NAXD: variants seen among roughly 807,000 people sequenced by gnomAD.
NAXD encodes NAD(P)HX dehydratase.
A neutral mutation model predicts 35.8 loss-of-function variants in NAXD; 22 were observed. The ratio of observed to expected loss-of-function variants is 0.62; its 90% CI spans 0.44 to 0.88. NAXD has a LOEUF of 0.88. Among genes scored for constraint, NAXD ranks in the 40% least tolerant of loss-of-function variants. NAXD has a pLI of 0.00. For missense variants in NAXD, 428 were observed against 437.7 expected (o/e 0.98, Z 0.20); for synonymous variants, 189 against 177.6 (o/e 1.06, Z -0.51).
chr13:110,624,303 A>G (rs762040537), intron 3 of NAXD, 24 bp downstream of exon 3: 6 of 1,497,766 alleles, frequency 4.0e-6, no homozygotes, highest in Non-Finnish European at 4.6e-6. Context: ...AAATTTCTTT[A>G]TTGGGATTTT....
chr13:110,634,609 TCTC>T lies in NAXD; in HGVS notation c.492+20_492+22del. The stretch of plus-strand genomic sequence containing the variant: ...GTCATCGACGCGGTGAGTTGACTTC[TCTC>T]CTCCTGGCTCGGACTCCCGGAAGGC... On this transcript the variant is annotated intron_variant, in intron 6 of 9. Transcript: ENST00000680254. 1.9e-6 allele frequency: 3 copies of T among 1,614,178 alleles called. No homozygotes were observed. Among genetic ancestry groups the T allele is most frequent in the South Asian group, 1.1e-5 (1 of 91,084 alleles).
At chr13:110,634,275 C>G (rs189334174) in intron 5 of NAXD, among the ~76,000 whole-genome samples, 6 of 152,254 alleles carry the variant, frequency 3.9e-5, no homozygotes, top group Admixed American at 2.6e-4. Context: ...TGATAATGAA[C>G]AGGCGTTTAC....
At chr13:110,627,699 A>T (rs1414999106) in intron 5 of NAXD, 152 bp downstream of exon 5, 2 of 631,076 alleles carry the variant, frequency 3.2e-6, no homozygotes, top group Non-Finnish European at 5.7e-6. Context: ...GGAGAAACTG[A>T]GTGCAAAGGT....
At position 110,639,554 on chromosome 13, in the gene NAXD, G is replaced by A. The variant is rs993512627; in HGVS notation, c.*1026G>A. 2.6e-5 allele frequency: 4 copies of A among 152,372 alleles called. No homozygotes were observed. In the South Asian group the frequency reaches 8.3e-4, roughly 32 times the overall value. The allele number at this position is 152,372 out of a possible 1,614,324, so 9.4% of individuals were successfully genotyped here. A position where few individuals can be genotyped will look rare whatever the true frequency, so the allele number is the denominator to read the frequency against. On this transcript the variant is annotated 3_prime_UTR_variant, in exon 10 of 10. Transcript: ENST00000680254. ...CACTCTTCATGGCAGTGTCGACCTC[G>A]GGTTAGCTTCTGTTGTCTTTGTGGA...
At chr13:110,631,435 G>A (rs956074287) in intron 5 of NAXD, among the ~76,000 whole-genome samples, 34 of 152,268 alleles carry the variant, frequency 2.2e-4, no homozygotes, top group Non-Finnish European at 3.4e-4. Context: ...TTTGAGAGAT[G>A]CCCCCAGATT....
intron 1 of NAXD, chr13:110,616,160 G>C (rs914704913): frequency 3.6e-5 from 8 of 219,400 alleles, no homozygotes; most frequent in Non-Finnish European, 5.4e-5. Context: ...CTGCGGGCTT[G>C]CTGTTTGGTC....
At chr13:110,627,779 G>T (rs1459787922) in intron 5 of NAXD, among the ~76,000 whole-genome samples, 1 of 152,304 alleles carries the variant, frequency 6.6e-6, no homozygotes, top group Admixed American at 6.5e-5. Context: ...GCTGCAGGAG[G>T]TGTGTGTGTG....
At chr13:110,630,155 A>C (rs1411768769) in intron 5 of NAXD, among the ~76,000 whole-genome samples, 2 of 152,122 alleles carry the variant, frequency 1.3e-5, no homozygotes, top group East Asian at 3.9e-4. Flanking sequence ...TTGGCCTCCA[A>C]GTAGCTTGGA....
chr13:110,631,137 C>CT (rs1886681340), intron 5 of NAXD, among the ~76,000 whole-genome samples: 1 of 152,176 alleles, frequency 6.6e-6, no homozygotes, highest in Admixed American at 6.5e-5. Flanking sequence ...CCCACGTTGT[C>CT]TGAATCTGGA....
chr13:110,637,149 G>T lies in NAXD; in HGVS notation c.739G>T (p.Gly247Cys), dbSNP rs901477753. 1 of 1,613,584 alleles carries T rather than the reference G, an allele frequency of 6.2e-7. No individual in the cohort carries two copies. The highest frequency in any genetic ancestry group is 8.5e-7 in the Non-Finnish European group (1 of 1,179,886). The change falls in exon 9 of 10, where the codon GGC (glycine) becomes TGC (cysteine). Residue 247 changes from glycine (G) to cysteine (C), a missense_variant. Coordinates refer to ENST00000680254, the MANE Select transcript of NAXD (RefSeq NM_001242882.2). ...GQQVLVCSQE[G>C]SSRRCGGQGD... The stretch of plus-strand genomic sequence containing the variant: ...TGCAGTGCTTGTGTGCAGCCAGGAA[G>T]GCAGCAGCCGCAGGTGTGGAGGGCA...
chr13:110,638,160 G>A lies in NAXD; in HGVS notation c.840-218G>A. The A allele has an allele frequency of 7.3e-7, 1 of 1,368,768 alleles. No homozygotes were observed. The allele number at this position is 1,368,768 out of a possible 1,614,324, so 84.8% of individuals were successfully genotyped here. A position where few individuals can be genotyped will look rare whatever the true frequency, so the allele number is the denominator to read the frequency against. On this transcript the variant is annotated intron_variant, in intron 9 of 9. Transcript: ENST00000680254. This position sits in a 1 kb window ranked among gnomAD's most constrained non-coding sequence, Gnocchi z 5.4. ...CCCTGGACCTGTCTCCGAGTACATA[G>A]ACGTTTCCTGTGTGCCTCCTGCCAG...
intron 8 of NAXD, among the ~76,000 whole-genome samples, chr13:110,636,514 G>C (rs1886933287): frequency 1.3e-5 from 2 of 152,342 alleles, no homozygotes; most frequent in Non-Finnish European, 2.9e-5. Context: ...AAGGAACACA[G>C]AGCAGATGTT....
At position 110,615,663 on chromosome 13, in the gene NAXD, TTTGG is replaced by T; in HGVS notation, c.46+17_46+20del. The T allele has an allele frequency of 6.6e-7, 1 of 1,518,322 alleles. No individual in the cohort carries two copies. The highest frequency in any genetic ancestry group is 1.4e-5 in the African/African-American group (1 of 70,196). 94.1% of individuals were successfully genotyped at this position (1,518,322 alleles called of 1,614,324 possible). ...TGCAGACGAGGTAAGGTCGATTCCA[TTTGG>T]CCCGGGGATGGTCACACGCGCGGGG... is the stretch of plus-strand genomic sequence containing the variant. On this transcript the variant is annotated intron_variant, in intron 1 of 9. Coordinates refer to ENST00000680254, the MANE Select transcript of NAXD (RefSeq NM_001242882.2).
chr13:110,621,857 C>T (rs1431242543), intron 1 of NAXD, among the ~76,000 whole-genome samples: 1 of 152,050 alleles, frequency 6.6e-6, no homozygotes, highest in Non-Finnish European at 1.5e-5. Context: ...TGATGAAACC[C>T]TATCTCTACT....
intron 1 of NAXD, among the ~76,000 whole-genome samples, chr13:110,621,497 A>G (rs916247344): frequency 5.3e-5 from 8 of 151,802 alleles, no homozygotes; most frequent in Non-Finnish European, 1.2e-4. Flanking sequence ...GGAGTTGGAG[A>G]CCAGCCTGGC....
chr13:110,636,335 G>C (rs1301988861), intron 8 of NAXD, among the ~76,000 whole-genome samples: 1 of 152,230 alleles, frequency 6.6e-6, no homozygotes, highest in Non-Finnish European at 1.5e-5. Flanking sequence ...ATCCACACTT[G>C]TACACTCACA....
intron 1 of NAXD, among the ~76,000 whole-genome samples, chr13:110,619,703 C>T (rs1400643042): frequency 6.6e-6 from 1 of 152,248 alleles, no homozygotes; most frequent in East Asian, 1.9e-4. Flanking sequence ...CGTGTACATG[C>T]ACTGCTGACT....
chr13:110,615,491 G>A (rs1886005765), upstream of NAXD: 1 of 1,026,826 alleles, frequency 9.7e-7, no homozygotes, highest in Non-Finnish European at 1.3e-6. Context: ...AGCGAGTTGG[G>A]ATCCCACTGC....
chr13:110,621,286 G>A (rs1037080049), intron 1 of NAXD, among the ~76,000 whole-genome samples: 2 of 152,232 alleles, frequency 1.3e-5, no homozygotes, highest in African/African-American at 4.8e-5. Context: ...AAGGGAAATT[G>A]AAATGAAGTG....
Sources: allele counts gnomAD v4.1 joint callset (sites outside exome capture counted in the v4.1 genomes callset), GRCh38; gene constraint gnomAD v4.1.1; non-coding constraint Gnocchi (gnomAD v3.1); transcripts MANE v1.5; gene names NCBI Gene and HGNC (gene_info 2026-07-23, HGNC 2026-07-21).